The following CCBE1 variants were observed in gnomAD, a reference collection of about 807,000 sequenced individuals.
The protein encoded by CCBE1 is collagen and calcium binding EGF domains 1.
A neutral mutation model predicts 50.0 loss-of-function variants in CCBE1; 37 were observed. That is an observed-to-expected ratio of 0.74 (90% CI 0.57 to 0.97). The LOEUF is 0.97. Among genes scored for constraint, CCBE1 ranks in the 50% least tolerant of loss-of-function variants. The pLI, the probability that CCBE1 is intolerant of heterozygous loss-of-function variation, is 0.00. For missense variants in CCBE1, 538 were observed against 523.8 expected, an observed-to-expected ratio of 1.03 and a Z score of -0.26; for synonymous variants, 234 against 203.7, an observed-to-expected ratio of 1.15 and a Z score of -1.27.
intron 2 of CCBE1, among the ~76,000 whole-genome samples, chr18:59,649,054 A>T (rs2054093160): frequency 6.6e-6 from 1 of 152,212 alleles, no homozygotes; most frequent in African/African-American, 2.4e-5. Context: ...TGAGGAGAGG[A>T]CGATTCAGTG....
Position 59,439,779 on chromosome 18 carries a change from A to T in CCBE1, c.813T>A (p.Gly271=), listed in dbSNP as rs1910334851. ...CGGGCTGCCCAGGAGGGCCTGGCAT[A>T]CCGGGGAAGCCTGGGCTTCCCTTTG... ...PGPKGSPGFP[G]MPGPPGQPGP... is the part of the protein sequence containing the mutation. Residue 271 remains glycine, a synonymous_variant, in exon 8 of 11, where the codon GGT becomes GGA. Transcript: ENST00000439986. The T allele has an allele frequency of 6.2e-7, 1 of 1,613,968 alleles. No individual in the cohort carries two copies. Among genetic ancestry groups the T allele is most frequent in the Non-Finnish European group, 8.5e-7 (1 of 1,179,996 alleles).
intron 2 of CCBE1, among the ~76,000 whole-genome samples, chr18:59,536,443 C>T (rs1241544823): frequency 5.3e-5 from 8 of 152,100 alleles, no homozygotes; most frequent in South Asian, 2.1e-4. Context: ...GTGCATGAGA[C>T]GGGCTTGTAT....
intron 2 of CCBE1, chr18:59,685,902 G>T (rs1278146596): frequency 6.6e-6 from 1 of 152,226 alleles, no homozygotes; most frequent in East Asian, 1.9e-4. Context: ...GGGTAGGTCT[G>T]GGATGAAGCC....
At chr18:59,697,687 T>G, upstream of CCBE1, 1 of 244,834 alleles carries the variant, frequency 4.1e-6, no homozygotes, top group Non-Finnish European at 7.9e-6. Context: ...CCCTCGCCTC[T>G]TCCCTCTCCC....
intron 2 of CCBE1, among the ~76,000 whole-genome samples, chr18:59,533,929 G>T (rs1328627630): frequency 6.6e-6 from 1 of 152,046 alleles, no homozygotes; most frequent in Non-Finnish European, 1.5e-5. Flanking sequence ...CTTCATAATG[G>T]CAATCACCAA....
intron 2 of CCBE1, among the ~76,000 whole-genome samples, chr18:59,546,935 A>G (rs964813922): frequency 1.3e-5 from 2 of 151,428 alleles, no homozygotes; most frequent in Non-Finnish European, 2.9e-5. Flanking sequence ...GAAGAAAGGT[A>G]GGTGAATTTG....
At chr18:59,613,713 A>C (rs752452994) in intron 2 of CCBE1, among the ~76,000 whole-genome samples, 1 of 152,094 alleles carries the variant, frequency 6.6e-6, no homozygotes, top group Non-Finnish European at 1.5e-5. Flanking sequence ...AGCCTGGGCA[A>C]CATAGTGAGA....
intron 2 of CCBE1, among the ~76,000 whole-genome samples, chr18:59,590,470 A>C (rs2053247265): frequency 6.6e-6 from 1 of 152,252 alleles, no homozygotes; most frequent in Non-Finnish European, 1.5e-5. Context: ...ATAAAATTAC[A>C]AACTCCAAAA....
intron 6 of CCBE1, among the ~76,000 whole-genome samples, chr18:59,452,198 T>C (rs1910970494): frequency 6.6e-6 from 1 of 152,344 alleles, no homozygotes; most frequent in African/African-American, 2.4e-5. Context: ...GGCCATGGTC[T>C]AGGACTGCTA....
chr18:59,675,060 C>A (rs543542740), intron 2 of CCBE1, among the ~76,000 whole-genome samples: 2 of 152,176 alleles, frequency 1.3e-5, no homozygotes, highest in East Asian at 1.9e-4. Flanking sequence ...TCATAAGGCA[C>A]AACATTGAAA....
chr18:59,549,473 A>T (rs748858495), intron 2 of CCBE1, among the ~76,000 whole-genome samples: 4 of 152,190 alleles, frequency 2.6e-5, no homozygotes, highest in Non-Finnish European at 5.9e-5. Context: ...ATTTTATTGC[A>T]GTAATTGAAG....
chr18:59,496,387 C>T (rs1478268308), intron 2 of CCBE1, among the ~76,000 whole-genome samples: 2 of 152,194 alleles, frequency 1.3e-5, no homozygotes, highest in Non-Finnish European at 2.9e-5. Context: ...AGAACCTATC[C>T]AAGATATTAT....
intron 3 of CCBE1, among the ~76,000 whole-genome samples, chr18:59,474,989 T>G (rs1912238630): frequency 6.6e-6 from 1 of 152,204 alleles, no homozygotes; most frequent in African/African-American, 2.4e-5. Context: ...GTTTGTCTTT[T>G]GTGAATCTTT....
chr18:59,456,091 C>T (rs768869817), intron 5 of CCBE1, among the ~76,000 whole-genome samples: 1 of 152,178 alleles, frequency 6.6e-6, no homozygotes, highest in Non-Finnish European at 1.5e-5. Context: ...GAAGCCTGCT[C>T]TCTACCCACG....
At chr18:59,490,387 C>CTTTTTTTTTTTTTT (rs11379621) in intron 2 of CCBE1, among the ~76,000 whole-genome samples, 1 of 141,794 alleles carries the variant, frequency 7.1e-6, no homozygotes. Flanking sequence ...GATATTCCCC[C>CTTTTTTTTTTTTTT]TTTTTTTTTT....
chr18:59,497,387 A>G lies in CCBE1; in HGVS notation c.213-17149T>C, dbSNP rs532244119. On this transcript the variant is annotated intron_variant, in intron 2 of 10. Transcript: ENST00000439986. ...CTGAGTAATATACTGAGCAAAGAAC[A>G]TAAGTGTCTAACAACATCACGCCCT... Among the ~76,000 whole-genome samples, 10 of 152,340 alleles carry G rather than the reference A, an allele frequency of 6.6e-5. No individual in the cohort carries two copies. In the South Asian group the frequency reaches 1.2e-3, roughly 19 times the overall value.
At chr18:59,444,046 C>T (rs1202656894) in intron 7 of CCBE1, among the ~76,000 whole-genome samples, 1 of 152,166 alleles carries the variant, frequency 6.6e-6, no homozygotes, top group Non-Finnish European at 1.5e-5. Flanking sequence ...TAAGATTCAT[C>T]TATATTGTTC....
chr18:59,678,498 T>C (rs1438663643), intron 2 of CCBE1, among the ~76,000 whole-genome samples: 1 of 152,192 alleles, frequency 6.6e-6, no homozygotes, highest in Admixed American at 6.5e-5. Flanking sequence ...ACTAGATACC[T>C]TTCCCTTCAG....
intron 2 of CCBE1, among the ~76,000 whole-genome samples, chr18:59,621,332 A>G (rs2053707453): frequency 6.6e-6 from 1 of 152,130 alleles, no homozygotes; most frequent in Non-Finnish European, 1.5e-5. Context: ...TTCCCCTTGG[A>G]CTTGGGCTTG....
Sources: gnomAD v4.1 joint callset for allele counts (sites outside exome capture counted in the v4.1 genomes callset) on GRCh38, gnomAD v4.1.1 for gene constraint, MANE v1.5 for transcripts, NCBI Gene and HGNC (gene_info 2026-07-23, HGNC 2026-07-21) for gene names.